Variants in NIPAL2 observed in about 807,000 individuals in gnomAD.
NIPAL2 encodes the protein NIPA-like protein 2.
Under a neutral mutation model 48.9 loss-of-function variants are expected in NIPAL2, and 43 were observed. The ratio of observed to expected loss-of-function variants is 0.88; its 90% CI spans 0.69 to 1.13. NIPAL2 has a LOEUF of 1.13. NIPAL2 is among the 50% of genes most tolerant of loss of function. NIPAL2 has a pLI of 0.00. For missense variants in NIPAL2, 446 were observed against 461.4 expected, an observed-to-expected ratio of 0.97 and a Z score of 0.31; for synonymous variants, 167 against 174.6, an observed-to-expected ratio of 0.96 and a Z score of 0.34.
intron 1 of NIPAL2, among the ~76,000 whole-genome samples, chr8:98,265,937 G>A (rs1306284652): frequency 2.0e-5 from 3 of 151,750 alleles, no homozygotes; most frequent in Non-Finnish European, 4.4e-5. Flanking sequence ...ATACACCATG[G>A]AATACTATGC....
At chr8:98,243,127 C>CT (rs1813087641) in intron 3 of NIPAL2, among the ~76,000 whole-genome samples, 2 of 152,090 alleles carry the variant, frequency 1.3e-5, no homozygotes, top group African/African-American at 4.8e-5. Context: ...ATGGAGCAGT[C>CT]TAATGTATTT....
chr8:98,260,540 C>A (rs1171603172), intron 1 of NIPAL2, among the ~76,000 whole-genome samples: 1 of 152,190 alleles, frequency 6.6e-6, no homozygotes, highest in African/African-American at 2.4e-5. Context: ...AAAATCGGGT[C>A]ACTCCAACCC....
chr8:98,219,810 C>G (rs965837532), intron 5 of NIPAL2, among the ~76,000 whole-genome samples: 1 of 152,180 alleles, frequency 6.6e-6, no homozygotes, highest in African/African-American at 2.4e-5. Context: ...GGTGAGCCCC[C>G]TCCAGCCACA....
In NIPAL2 at chr8:98,192,872, C is replaced by T; in HGVS notation, c.*106G>A. Reference sequence around the variant, plus strand: ...GTGGGGGAAAGGACTGAAATGAATGCTAGCACATGTTAGCTTATAAAAGAG... The same window carrying T: ...GTGGGGGAAAGGACTGAAATGAATGTTAGCACATGTTAGCTTATAAAAGAG... On this transcript the variant is annotated 3_prime_UTR_variant, in exon 11 of 11. Transcript: ENST00000430223. The T allele has an allele frequency of 1.4e-6, 1 of 716,000 alleles. No individual in the cohort carries two copies. Among genetic ancestry groups the T allele is most frequent in the Non-Finnish European group, 2.5e-6 (1 of 402,356 alleles). 44.4% of individuals were successfully genotyped at this position (716,000 alleles called of 1,614,324 possible). A position where few individuals can be genotyped will look rare whatever the true frequency, so the allele number is the denominator to read the frequency against.
chr8:98,239,916 A>T (rs1418793538), intron 3 of NIPAL2, among the ~76,000 whole-genome samples: 1 of 152,214 alleles, frequency 6.6e-6, no homozygotes, highest in Non-Finnish European at 1.5e-5. Flanking sequence ...CATCAACTGA[A>T]GTACTCGCAT....
At position 98,280,761 on chromosome 8, in the gene NIPAL2, T is replaced by TATAGAG; in HGVS notation, c.135+13241_135+13242insCTCTAT. ...CTATATATATATATATATATATATA[T>TATAGAG]AGAGAGAGAGAGAGAGAGAGAGAGA... On this transcript the variant is annotated intron_variant, in intron 1 of 10. Coordinates refer to ENST00000430223, the MANE Select transcript of NIPAL2 (RefSeq NM_001321635.2). Among the ~76,000 whole-genome samples, 125 of 30,024 alleles carry TATAGAG rather than the reference T, an allele frequency of 4.2e-3. 2 individuals carry two copies. The highest frequency in any genetic ancestry group is 0.02 in the Middle Eastern group (1 of 50). The allele number at this position is 30,024 out of a possible 152,430, so 19.7% of individuals were successfully genotyped here.
chr8:98,221,742 A>T (rs527594807), intron 5 of NIPAL2, among the ~76,000 whole-genome samples: 1 of 152,290 alleles, frequency 6.6e-6, no homozygotes, highest in South Asian at 2.1e-4. Flanking sequence ...CCACAGTGAG[A>T]TACCATCTCA....
chr8:98,237,587 C>A (rs899333658), intron 3 of NIPAL2, among the ~76,000 whole-genome samples: 1 of 152,160 alleles, frequency 6.6e-6, no homozygotes, highest in Non-Finnish European at 1.5e-5. Context: ...AAAGGCCACA[C>A]TACCAAGCAG....
chr8:98,218,134 G>C (rs1811664225), intron 5 of NIPAL2, among the ~76,000 whole-genome samples: 1 of 152,146 alleles, frequency 6.6e-6, no homozygotes. Flanking sequence ...TTTATTCCAG[G>C]AAGTAAGTCT....
At chr8:98,271,331 T>C (rs1323425537) in intron 1 of NIPAL2, among the ~76,000 whole-genome samples, 1 of 152,218 alleles carries the variant, frequency 6.6e-6, no homozygotes, top group South Asian at 2.1e-4. Flanking sequence ...TCCATGAACA[T>C]GGAATATTTT....
At chr8:98,197,280 G>T (rs1186576166) in intron 8 of NIPAL2, among the ~76,000 whole-genome samples, 1 of 152,008 alleles carries the variant, frequency 6.6e-6, no homozygotes, top group Admixed American at 6.5e-5. Context: ...TATCAAATGT[G>T]CAATAGCATT....
At chr8:98,220,964 CTTTTTTTTT>C (rs557824737) in intron 5 of NIPAL2, among the ~76,000 whole-genome samples, 19 of 68,636 alleles carry the variant, frequency 2.8e-4, no homozygotes, top group South Asian at 6.7e-4. Context: ...TCATTTCATT[CTTTTTTTTT>C]TTTTTTTTTT....
rs191734969 is a variant in NIPAL2, at chr8:98,280,286, C to T, written c.135+13717G>A. ...ACATGGCAGAAAAGCACCACAGATT[C>T]TGAGCTCGTTTTGAACACAGTAATG... On this transcript the variant is annotated intron_variant, in intron 1 of 10. Transcript: ENST00000430223. Among the ~76,000 whole-genome samples, 16 of 152,344 alleles carry T rather than the reference C, an allele frequency of 1.1e-4. No homozygotes were observed. In the East Asian group the frequency reaches 2.9e-3, roughly 28 times the overall value.
Position 98,250,103 on chromosome 8 carries a change from GTCTC to G in NIPAL2, c.376+2356_376+2359del, listed in dbSNP as rs372232074. On this transcript the variant is annotated intron_variant, in intron 3 of 10. Transcript: ENST00000430223. ...ATTGTAAGTGTTCTGGATTTTAATAGTCTCTCTCTCTCTCTGTCTCCTACTCTTA... is the reference window on the plus strand; with the variant it reads ...ATTGTAAGTGTTCTGGATTTTAATAGTCTCTCTCTCTGTCTCCTACTCTTA... Among the ~76,000 whole-genome samples the G allele has an allele frequency of 2.1e-4, 32 of 150,648 alleles. 2 individuals carry two copies. The highest frequency in any genetic ancestry group is 1.9e-3 in the Admixed American group (29 of 15,132).
At chr8:98,195,329 T>A (rs1368590041) in intron 9 of NIPAL2, among the ~76,000 whole-genome samples, 1 of 152,156 alleles carries the variant, frequency 6.6e-6, no homozygotes, top group Non-Finnish European at 1.5e-5. Flanking sequence ...ATGATCATGC[T>A]GACTACTAGA....
At chr8:98,233,083 C>T (rs1812521922) in intron 4 of NIPAL2, among the ~76,000 whole-genome samples, 1 of 152,016 alleles carries the variant, frequency 6.6e-6, no homozygotes, top group Non-Finnish European at 1.5e-5. Flanking sequence ...CATGGTGAAG[C>T]CCTGTCTCTA....
chr8:98,250,071 TA>T (rs748285567), intron 3 of NIPAL2, among the ~76,000 whole-genome samples: 2 of 152,098 alleles, frequency 1.3e-5, no homozygotes, highest in Admixed American at 6.5e-5. Flanking sequence ...ACTTAAGGAC[TA>T]AAACTATTGT....
In NIPAL2 at chr8:98,252,491, G is replaced by T. The variant is rs1401231627; in HGVS notation, c.348C>A (p.Ile116=). 2.5e-6 allele frequency: 4 copies of T among 1,613,298 alleles called. No homozygotes were observed. In the African/African-American group the frequency reaches 4.0e-5, roughly 16 times the overall value. ...TAACAGACACACAGCCTAACGGAGCGATCAGAGTAATGGGAGCAAATCCAT... is the reference window on the plus strand; with the variant it reads ...TAACAGACACACAGCCTAACGGAGCTATCAGAGTAATGGGAGCAAATCCAT... ...AAYGFAPITL[I]APLGCVSVTG... The change falls in exon 3 of 11, where the codon ATC becomes ATA. Residue 116 remains isoleucine, a synonymous_variant. Coordinates refer to ENST00000430223, the MANE Select transcript of NIPAL2 (RefSeq NM_001321635.2).
chr8:98,252,302 A>C, intron 3 of NIPAL2, 161 bp downstream of exon 3: 2 of 679,830 alleles, frequency 2.9e-6, no homozygotes, highest in Non-Finnish European at 4.6e-6. Context: ...ACAGCATGAC[A>C]ATGGATCGCT....
Sources: gnomAD v4.1 joint callset for allele counts (sites outside exome capture counted in the v4.1 genomes callset) on GRCh38, gnomAD v4.1.1 for gene constraint, MANE v1.5 for transcripts, NCBI Gene and HGNC (gene_info 2026-07-23, HGNC 2026-07-21) for gene names.